Variants in AKAP13 observed in about 807,000 individuals in gnomAD.
The protein encoded by AKAP13 is A-kinase anchoring protein 13.
AKAP13 carries 80 observed loss-of-function variants against 264.5 expected under a neutral mutation model. That is an observed-to-expected ratio of 0.30 (90% CI 0.25 to 0.36). The LOEUF is 0.36. Ranked by LOEUF, AKAP13 falls within the 10% of genes least tolerant of loss-of-function variation. The probability of loss-of-function intolerance (pLI) is 1.00; values close to 1 mark genes in which losing one functional copy is unlikely to be tolerated. For synonymous variants in AKAP13, 1,380 were observed against 1,250.2 expected, an observed-to-expected ratio of 1.10 and a Z score of -2.19; for missense variants, 3,712 against 3,435.2, an observed-to-expected ratio of 1.08 and a Z score of -2.01.
intron 1 of AKAP13, among the ~76,000 whole-genome samples, chr15:85,426,886 C>G (rs1011961315): frequency 1.3e-5 from 2 of 151,302 alleles, no homozygotes; most frequent in African/African-American, 2.4e-5. Flanking sequence ...GTTGTGTTGA[C>G]TAGAGATTTT....
chr15:85,389,816 C>G (rs1039856076), intron 1 of AKAP13: 1 of 152,204 alleles, frequency 6.6e-6, no homozygotes, highest in Non-Finnish European at 1.5e-5. Flanking sequence ...TTTCTGTCCC[C>G]CCGTGGGGGA....
chr15:85,613,990 A>G (rs1419500131), intron 8 of AKAP13, among the ~76,000 whole-genome samples: 1 of 152,108 alleles, frequency 6.6e-6, no homozygotes, highest in Non-Finnish European at 1.5e-5. Context: ...TTTAAAGGAG[A>G]CCTGATACTG....
At chr15:85,690,775 T>C (rs1442288117) in intron 16 of AKAP13, among the ~76,000 whole-genome samples, 1 of 152,230 alleles carries the variant, frequency 6.6e-6, no homozygotes, top group East Asian at 1.9e-4. Flanking sequence ...CCTGGCAGCA[T>C]AGTGCAGTGT....
At chr15:85,382,591 G>A (rs2070341430) in intron 1 of AKAP13, among the ~76,000 whole-genome samples, 1 of 152,196 alleles carries the variant, frequency 6.6e-6, no homozygotes, top group South Asian at 2.1e-4. Flanking sequence ...GAGTGCACTA[G>A]TTGCTTTCCT....
rs1376017884 is a variant in AKAP13 at position 85,580,740 on chromosome 15, A to T, written c.2672A>T (p.Asp891Val). 6.2e-7 allele frequency: 1 copy of T among 1,613,998 alleles called. No individual in the cohort carries two copies. Among genetic ancestry groups the T allele is most frequent in the African/African-American group, 1.3e-5 (1 of 74,976 alleles). Residue 891 changes from aspartate to valine, a missense_variant, in exon 7 of 37, where the codon GAC becomes GTC. By Grantham distance (152) the Asp-to-Val change is radical. Transcript: ENST00000394518. ...GCTCTGAATATCAAGGGGAACACTG[A>T]CTCTTCCCTGCAAAGTGTGGGTAAG... ...PEALNIKGNTDSSLQSVGKAT... is the reference protein window; with the variant it reads ...PEALNIKGNTVSSLQSVGKAT...
rs554730822 is a variant in AKAP13 at position 85,485,688 on chromosome 15, A to G, written c.-11-22A>G. ...GGTGACAACTTTTAATTTTATTCTC[A>G]TTTATTCCATTTCTGTTTCAGTGTC... is the stretch of plus-strand genomic sequence containing the variant. On this transcript the variant is annotated intron_variant, in intron 1 of 36. Coordinates refer to ENST00000394518, the MANE Select transcript of AKAP13 (RefSeq NM_007200.5). The G allele has an allele frequency of 6.8e-6, 11 of 1,610,412 alleles. No homozygotes were observed. In the African/African-American group the frequency reaches 1.5e-4, roughly 21 times the overall value.
At chr15:85,403,638 C>T (rs944767799) in intron 1 of AKAP13, among the ~76,000 whole-genome samples, 1 of 151,942 alleles carries the variant, frequency 6.6e-6, no homozygotes, top group Non-Finnish European at 1.5e-5. Context: ...GTCAGGAGTT[C>T]GAGATCAGCC....
chr15:85,714,645 T>C (rs1235559378), intron 19 of AKAP13, among the ~76,000 whole-genome samples: 1 of 152,172 alleles, frequency 6.6e-6, no homozygotes, highest in Admixed American at 6.5e-5. Context: ...CTCCCAGTTA[T>C]CTCTCAGGTT....
chr15:85,647,246 A>C (rs962842033), intron 10 of AKAP13, among the ~76,000 whole-genome samples: 1 of 152,056 alleles, frequency 6.6e-6, no homozygotes, highest in African/African-American at 2.4e-5. Context: ...AAATACAAAA[A>C]AATTAGCTGG....
chr15:85,710,729 A>T (rs2086591638), intron 19 of AKAP13, 84 bp downstream of exon 19: 1 of 1,457,990 alleles, frequency 6.9e-7, no homozygotes, highest in Non-Finnish European at 9.4e-7. Flanking sequence ...TTCAGTTATT[A>T]TTCATAGTCA....
intron 15 of AKAP13, among the ~76,000 whole-genome samples, chr15:85,684,244 G>A (rs145051867): frequency 4.6e-5 from 7 of 152,248 alleles, no homozygotes; most frequent in Non-Finnish European, 8.8e-5. Flanking sequence ...TTTTTAACAT[G>A]AGGTCACTGA....
chr15:85,654,028 T>C (rs2082986636), intron 10 of AKAP13, among the ~76,000 whole-genome samples: 1 of 152,202 alleles, frequency 6.6e-6, no homozygotes, highest in South Asian at 2.1e-4. Context: ...CTGGTATGTT[T>C]CAACAAGTAG....
At chr15:85,512,416 A>G (rs1371673498) in intron 2 of AKAP13, among the ~76,000 whole-genome samples, 1 of 151,984 alleles carries the variant, frequency 6.6e-6, no homozygotes, top group Non-Finnish European at 1.5e-5. Flanking sequence ...TCTTTCTCCT[A>G]TACCCTGTAG....
intron 3 of AKAP13, among the ~76,000 whole-genome samples, chr15:85,527,878 G>A (rs2077127664): frequency 1.3e-5 from 2 of 152,148 alleles, no homozygotes; most frequent in East Asian, 3.8e-4. Flanking sequence ...ACTTTGATGC[G>A]AAACTGAAGT....
chr15:85,460,355 T>C (rs571560014), intron 1 of AKAP13, among the ~76,000 whole-genome samples: 1 of 152,350 alleles, frequency 6.6e-6, no homozygotes, highest in African/African-American at 2.4e-5. Context: ...CAGCTCGCCC[T>C]GCATTTTACC....
chr15:85,525,301 A>G (rs1221488810), intron 3 of AKAP13, among the ~76,000 whole-genome samples: 1 of 151,950 alleles, frequency 6.6e-6, no homozygotes, highest in African/African-American at 2.4e-5. Context: ...CTCGTGATCC[A>G]CCTGCCTTGG....
intron 1 of AKAP13, among the ~76,000 whole-genome samples, chr15:85,472,844 CAG>C (rs2075009049): frequency 6.6e-6 from 1 of 152,140 alleles, no homozygotes; most frequent in African/African-American, 2.4e-5. Context: ...ACTTATATAA[CAG>C]AAATGCATAA....
intron 1 of AKAP13, among the ~76,000 whole-genome samples, chr15:85,477,247 G>T (rs2075196231): frequency 6.6e-6 from 1 of 151,888 alleles, no homozygotes; most frequent in Non-Finnish European, 1.5e-5. Context: ...GGGGCATAGA[G>T]AGATTTTCTC....
chr15:85,390,941 CAGTA>C (rs1289482042), intron 1 of AKAP13, among the ~76,000 whole-genome samples: 1 of 152,112 alleles, frequency 6.6e-6, no homozygotes, highest in Non-Finnish European at 1.5e-5. Context: ...GTGAAGGTAT[CAGTA>C]AGCATTTGGA....
Sources: allele counts gnomAD v4.1 joint callset (sites outside exome capture counted in the v4.1 genomes callset), GRCh38; gene constraint gnomAD v4.1.1; transcripts MANE v1.5; gene names NCBI Gene and HGNC (gene_info 2026-07-23, HGNC 2026-07-21).